Variants in PLXDC1 observed in about 807,000 individuals in gnomAD.
The protein encoded by PLXDC1 is plexin domain-containing protein 1.
PLXDC1 carries 39 observed loss-of-function variants against 61.3 expected under a neutral mutation model. That is an observed-to-expected ratio of 0.64 (90% CI 0.49 to 0.83). The LOEUF (loss-of-function observed/expected upper bound fraction) is 0.83. PLXDC1 is among the 40% of genes least tolerant of loss of function. PLXDC1 has a pLI of 0.00. For missense variants in PLXDC1, 596 were observed against 666.5 expected (o/e 0.89, Z 1.17); for synonymous variants, 212 against 254.5 (o/e 0.83, Z 1.59).
intron 5 of PLXDC1, 143 bp from the exon 6 acceptor site, chr17:39,107,668 C>G (rs1384824957): frequency 2.8e-6 from 2 of 707,572 alleles, no homozygotes; most frequent in Non-Finnish European, 5.2e-6. Context: ...GAGGCAGGAG[C>G]TGGGCAGCTC....
At chr17:39,125,230 A>G (rs2143812630) in intron 2 of PLXDC1, among the ~76,000 whole-genome samples, 1 of 152,364 alleles carries the variant, frequency 6.6e-6, no homozygotes, top group Non-Finnish European at 1.5e-5. Context: ...AACATTTGTC[A>G]TCACAGAAAT....
chr17:39,149,893 C>T lies in PLXDC1; in HGVS notation c.76+1469G>A, dbSNP rs1331007249. ...GATTCAAAGGAGCCCAGAAATTATT[C>T]ATAACATATCCAACTCTCTCCTGTT... On this transcript the variant is annotated intron_variant, in intron 1 of 13. Transcript: ENST00000315392. 1.3e-5 allele frequency among the ~76,000 whole-genome samples: 2 copies of T among 152,188 alleles called. 1 individual carries two copies. The highest frequency in any genetic ancestry group is 3.8e-4 in the East Asian group (2 of 5,202).
intron 12 of PLXDC1, among the ~76,000 whole-genome samples, chr17:39,071,169 T>G (rs1450518198): frequency 6.6e-6 from 1 of 152,160 alleles, no homozygotes; most frequent in African/African-American, 2.4e-5. Flanking sequence ...TGTGCATGAC[T>G]GAGGTAATGG....
chr17:39,077,344 C>T (rs1162069909), intron 11 of PLXDC1, among the ~76,000 whole-genome samples: 1 of 152,182 alleles, frequency 6.6e-6, no homozygotes, highest in Non-Finnish European at 1.5e-5. Context: ...CTGGCAGCTT[C>T]AACCAAGACC....
chr17:39,152,662 T>C, upstream of PLXDC1: 1 of 1,232,020 alleles, frequency 8.1e-7, no homozygotes, highest in Non-Finnish European at 1.0e-6. Flanking sequence ...AGAGGAAGGG[T>C]GCGAACGCTG....
At chr17:39,072,619 AG>A (rs1909167068) in intron 11 of PLXDC1, 134 bp from the exon 12 acceptor site, 1 of 697,724 alleles carries the variant, frequency 1.4e-6, no homozygotes, top group Non-Finnish European at 2.6e-6. Flanking sequence ...CAGAGAGGGG[AG>A]GAGACTTGCT....
intron 7 of PLXDC1, among the ~76,000 whole-genome samples, chr17:39,102,214 T>A (rs1213346793): frequency 1.3e-5 from 2 of 152,090 alleles, no homozygotes; most frequent in African/African-American, 4.8e-5. Context: ...TGGTGCTCTG[T>A]GCATGGATAT....
chr17:39,078,390 GA>G (rs1909424761), intron 10 of PLXDC1, among the ~76,000 whole-genome samples: 1 of 152,180 alleles, frequency 6.6e-6, no homozygotes, highest in Admixed American at 6.5e-5. Flanking sequence ...AAACTTCTCT[GA>G]GCCCCAGTTT....
chr17:39,122,266 G>A (rs537538045), intron 2 of PLXDC1, among the ~76,000 whole-genome samples: 5 of 150,770 alleles, frequency 3.3e-5, no homozygotes, highest in South Asian at 2.1e-4. Flanking sequence ...TTAGCCAGGC[G>A]TGGTGAGGCA....
intron 1 of PLXDC1, among the ~76,000 whole-genome samples, chr17:39,147,113 G>T (rs1048645803): frequency 6.6e-6 from 1 of 151,670 alleles, no homozygotes; most frequent in Non-Finnish European, 1.5e-5. Flanking sequence ...GTACCACCAC[G>T]CCCAGCTAAT....
At chr17:39,106,310 C>T (rs1418563210) in intron 6 of PLXDC1, among the ~76,000 whole-genome samples, 1 of 152,106 alleles carries the variant, frequency 6.6e-6, no homozygotes, top group Non-Finnish European at 1.5e-5. Flanking sequence ...CATTTCCCCT[C>T]ATCCTACTCT....
chr17:39,093,319 G>A (rs1339987809), intron 7 of PLXDC1, among the ~76,000 whole-genome samples: 1 of 152,008 alleles, frequency 6.6e-6, no homozygotes, highest in East Asian at 1.9e-4. Flanking sequence ...CAATCCTCCC[G>A]CCTCCAATTC....
intron 7 of PLXDC1, among the ~76,000 whole-genome samples, chr17:39,104,018 G>A (rs1196378872): frequency 2.6e-5 from 4 of 152,076 alleles, no homozygotes; most frequent in Non-Finnish European, 4.4e-5. Context: ...TCTGACCTGC[G>A]ACACCAGCAT....
chr17:39,107,577 G>T lies in PLXDC1; in HGVS notation c.593-52C>A, dbSNP rs3025157. 1,060 of 1,337,562 alleles carry T rather than the reference G, an allele frequency of 7.9e-4. 19 individuals carry two copies. In the East Asian group the frequency reaches 0.021, roughly 27 times the overall value. 82.9% of individuals were successfully genotyped at this position (1,337,562 alleles called of 1,614,324 possible). On this transcript the variant is annotated intron_variant, in intron 5 of 13. Transcript: ENST00000315392. ...GGACGGGAGATCATGCAAGGAGCAG[G>T]GCCCTACAGAAATGCCAGTCGGAGG...
At position 39,139,618 on chromosome 17, in the gene PLXDC1, C is replaced by T. The variant is rs202195140; in HGVS notation, c.255+36G>A. The stretch of plus-strand genomic sequence containing the variant: ...CAGCTGGTGAGACCTCCCCCACCCC[C>T]ACTTCGCTCCCCCTCCATGTTCCTC... On this transcript the variant is annotated intron_variant, in intron 2 of 13. Transcript: ENST00000315392. 6.2e-4 allele frequency: 955 copies of T among 1,543,498 alleles called. 5 individuals are homozygous for T. The highest frequency in any genetic ancestry group is 4.4e-4 in the Non-Finnish European group (496 of 1,127,344).
At position 39,078,052 on chromosome 17, in the gene PLXDC1, C is replaced by A; in HGVS notation, c.1051-4G>T. ...CCTCGCACATCCTGCCCTCTGCCTG[C>A]AGGAGAGAGCCAGTGCTGTGTCTTG... On this transcript the variant is annotated splice_region_variant and splice_polypyrimidine_tract_variant and intron_variant, in intron 10 of 13. Transcript: ENST00000315392. 1.3e-6 allele frequency: 2 copies of A among 1,599,968 alleles called. No homozygotes were observed. The highest frequency in any genetic ancestry group is 2.7e-5 in the African/African-American group (2 of 74,754).
rs1193310017 is a variant in PLXDC1 at position 39,067,009 on chromosome 17, C to T, written c.*831G>A. 1 of 152,280 alleles carries T rather than the reference C, an allele frequency of 6.6e-6. No individual in the cohort carries two copies. The highest frequency in any genetic ancestry group is 1.5e-5 in the Non-Finnish European group (1 of 68,104). 9.4% of individuals were successfully genotyped at this position (152,280 alleles called of 1,614,324 possible). A position where few individuals can be genotyped will look rare whatever the true frequency, so the allele number is the denominator to read the frequency against. ...GCAGGGCATCTGGCTATCTGGCTATCTCCAGGTAGTGGGTCGGGGAGGCTC... is the reference window on the plus strand; with the variant it reads ...GCAGGGCATCTGGCTATCTGGCTATTTCCAGGTAGTGGGTCGGGGAGGCTC... On this transcript the variant is annotated 3_prime_UTR_variant, in exon 14 of 14. Transcript: ENST00000315392.
Position 39,090,160 on chromosome 17 carries a change from T to G in PLXDC1, c.812-2458A>C, listed in dbSNP as rs1259202129. Among the ~76,000 whole-genome samples, 3 of 152,160 alleles carry G rather than the reference T, an allele frequency of 2.0e-5. No individual in the cohort carries two copies. In the East Asian group the frequency reaches 5.8e-4, roughly 29 times the overall value. On this transcript the variant is annotated intron_variant, in intron 7 of 13. Transcript: ENST00000315392. Reference sequence around the variant, plus strand: ...TAGTCCCTCCTACTTAACCCAGGACTGCGCCCCCGTGGGTCTGGCACCAAA... The same window carrying G: ...TAGTCCCTCCTACTTAACCCAGGACGGCGCCCCCGTGGGTCTGGCACCAAA...
At chr17:39,133,366 T>C (rs1312951917) in intron 2 of PLXDC1, among the ~76,000 whole-genome samples, 1 of 152,056 alleles carries the variant, frequency 6.6e-6, no homozygotes, top group African/African-American at 2.4e-5. Context: ...TGACATTCTC[T>C]CATGTGTGTG....
Sources: gnomAD v4.1 joint callset for allele counts (sites outside exome capture counted in the v4.1 genomes callset) on GRCh38, gnomAD v4.1.1 for gene constraint, MANE v1.5 for transcripts, NCBI Gene and HGNC (gene_info 2026-07-23, HGNC 2026-07-21) for gene names.